The following PCDH15 variants were observed in gnomAD, a reference collection of about 807,000 sequenced individuals.
PCDH15 encodes protocadherin-15.
Under a neutral mutation model 178.5 loss-of-function variants are expected in PCDH15, and 129 were observed. The observed-to-expected ratio is 0.72, with a 90% CI of 0.63 to 0.84. The LOEUF is 0.84. PCDH15 is among the 40% of genes least tolerant of loss of function. The pLI is 0.00. For synonymous variants in PCDH15, 800 were observed against 732.0 expected, an observed-to-expected ratio of 1.09 and a Z score of -1.50; for missense variants, 2,230 against 2,099.9, an observed-to-expected ratio of 1.06 and a Z score of -1.21.
chr10:55,071,559 T>A (rs1289653156), intron 2 of PCDH15, among the ~76,000 whole-genome samples: 1 of 152,170 alleles, frequency 6.6e-6, no homozygotes, highest in African/African-American at 2.4e-5. Flanking sequence ...ATCCTAAATA[T>A]ATATGCACCC....
At position 54,346,304 on chromosome 10, in the gene PCDH15, GA is replaced by G; in HGVS notation, c.594+60del. 2.0e-6 allele frequency: 3 copies of G among 1,526,932 alleles called. No homozygotes were observed. The East Asian group carries it at 6.8e-5, about 35-fold the overall frequency. 94.6% of individuals were successfully genotyped at this position (1,526,932 alleles called of 1,614,324 possible). A position where few individuals can be genotyped will look rare whatever the true frequency, so the allele number is the denominator to read the frequency against. On this transcript the variant is annotated intron_variant, in intron 6 of 37. Transcript: ENST00000644397. ...CTGAATAATACAATAACTATCAGCT[GA>G]AAAAATCATTAATTTTATTCCTTTT... is the stretch of plus-strand genomic sequence containing the variant.
intron 2 of PCDH15, among the ~76,000 whole-genome samples, chr10:55,105,247 TTTC>T (rs1269308542): frequency 1.3e-5 from 2 of 152,176 alleles, no homozygotes; most frequent in African/African-American, 4.8e-5. Flanking sequence ...TGCCAATTTT[TTTC>T]TTATTTTTTA....
chr10:55,491,120 C>T (rs932663212), intron 2 of PCDH15, among the ~76,000 whole-genome samples: 7 of 151,726 alleles, frequency 4.6e-5, no homozygotes, highest in African/African-American at 1.7e-4. Flanking sequence ...CAATCTGCTT[C>T]CTTTATCCCT....
chr10:55,307,925 T>C (rs965624472), intron 1 of PCDH15, among the ~76,000 whole-genome samples: 8 of 152,118 alleles, frequency 5.3e-5, no homozygotes, highest in African/African-American at 1.9e-4. Context: ...TTTGCTCTTT[T>C]TGAATAAAAA....
intron 23 of PCDH15, among the ~76,000 whole-genome samples, chr10:53,945,834 A>C (rs1365130356): frequency 2.1e-5 from 2 of 94,884 alleles, no homozygotes; most frequent in African/African-American, 8.3e-5. Flanking sequence ...GTAATATTTC[A>C]TTGTATATAT....
intron 2 of PCDH15, among the ~76,000 whole-genome samples, chr10:54,984,712 C>T (rs1360083098): frequency 6.6e-6 from 1 of 152,092 alleles, no homozygotes; most frequent in Non-Finnish European, 1.5e-5. Flanking sequence ...ATGGTACATG[C>T]CTGTAGTCCC....
At chr10:55,064,452 CAT>C (rs1445781035) in intron 2 of PCDH15, among the ~76,000 whole-genome samples, 1 of 152,052 alleles carries the variant, frequency 6.6e-6, no homozygotes, top group Admixed American at 6.6e-5. Flanking sequence ...GAAAAGCACA[CAT>C]GTGTGCACAC....
chr10:54,065,252 A>G (rs2094114946), intron 18 of PCDH15, among the ~76,000 whole-genome samples: 1 of 152,196 alleles, frequency 6.6e-6, no homozygotes, highest in African/African-American at 2.4e-5. Flanking sequence ...AACTATCAGG[A>G]CAGATAACTC....
chr10:55,437,392 T>C (rs1219227763), intron 2 of PCDH15, among the ~76,000 whole-genome samples: 1 of 152,140 alleles, frequency 6.6e-6, no homozygotes, highest in African/African-American at 2.4e-5. Flanking sequence ...TAAAGTGAAT[T>C]TGAGTTCTGG....
At chr10:55,272,838 C>T (rs940867726) in intron 1 of PCDH15, among the ~76,000 whole-genome samples, 5 of 151,928 alleles carry the variant, frequency 3.3e-5, no homozygotes, top group Admixed American at 2.0e-4. Flanking sequence ...AATTCCTTCT[C>T]CCCCCAGCCT....
intron 1 of PCDH15, among the ~76,000 whole-genome samples, chr10:55,270,651 G>A (rs1474711936): frequency 1.3e-5 from 2 of 152,130 alleles, no homozygotes; most frequent in African/African-American, 4.8e-5. Context: ...AACAGATGCT[G>A]ATGACACTGC....
intron 2 of PCDH15, among the ~76,000 whole-genome samples, chr10:55,038,866 T>C (rs921765779): frequency 1.3e-5 from 2 of 152,152 alleles, no homozygotes; most frequent in African/African-American, 4.8e-5. Flanking sequence ...TTCCACAGTG[T>C]AAAAATTCTC....
At chr10:55,430,261 A>G (rs1226695220) in intron 2 of PCDH15, among the ~76,000 whole-genome samples, 1 of 152,034 alleles carries the variant, frequency 6.6e-6, no homozygotes, top group Non-Finnish European at 1.5e-5. Context: ...ACTGCACTCC[A>G]GCCTGGCTGA....
chr10:55,341,406 A>C (rs952793496), intron 2 of PCDH15, among the ~76,000 whole-genome samples: 2 of 152,116 alleles, frequency 1.3e-5, no homozygotes, highest in African/African-American at 4.8e-5. Context: ...GAATTTAACA[A>C]GAATTTGATT....
chr10:54,365,024 C>T (rs1453178337), intron 5 of PCDH15, among the ~76,000 whole-genome samples: 1 of 152,214 alleles, frequency 6.6e-6, no homozygotes, highest in East Asian at 1.9e-4. Context: ...TTATCCAGTT[C>T]CTCTTCCCTT....
At chr10:55,071,904 A>G (rs920611870) in intron 2 of PCDH15, among the ~76,000 whole-genome samples, 11 of 152,228 alleles carry the variant, frequency 7.2e-5, no homozygotes, top group African/African-American at 2.4e-4. Context: ...TGTCTCTCAG[A>G]CCACAGTGCA....
At chr10:53,881,552 A>G (rs1484595055) in intron 26 of PCDH15, among the ~76,000 whole-genome samples, 1 of 152,228 alleles carries the variant, frequency 6.6e-6, no homozygotes, top group African/African-American at 2.4e-5. Context: ...CAAAGAGAAA[A>G]ACTGAGTACA....
intron 1 of PCDH15, among the ~76,000 whole-genome samples, chr10:54,749,071 G>A (rs1440640091): frequency 1.3e-5 from 2 of 152,130 alleles, no homozygotes; most frequent in African/African-American, 4.8e-5. Flanking sequence ...TAAGATCACA[G>A]AGTTAACATA....
intron 3 of PCDH15, among the ~76,000 whole-genome samples, chr10:54,516,684 C>T (rs868638784): frequency 3.0e-4 from 45 of 151,864 alleles, no homozygotes; most frequent in African/African-American, 9.4e-4. Context: ...GGCAGGCCAA[C>T]GTTCAGATTC....
Sources: allele counts gnomAD v4.1 joint callset (sites outside exome capture counted in the v4.1 genomes callset), GRCh38; gene constraint gnomAD v4.1.1; transcripts MANE v1.5; gene names NCBI Gene and HGNC (gene_info 2026-07-23, HGNC 2026-07-21).